DHRSX: variants seen among roughly 807,000 people sequenced by gnomAD.
DHRSX encodes the protein polyprenol dehydrogenase.
In DHRSX, 31 loss-of-function variants were observed where a neutral mutation model predicts 34.0. The ratio of observed to expected loss-of-function variants is 0.91; its 90% confidence interval spans 0.69 to 1.23. DHRSX has a LOEUF of 1.23. DHRSX is among the 50% of genes most tolerant of loss of function. DHRSX has a pLI of 0.00. For synonymous variants in DHRSX, 201 were observed against 183.8 expected, an observed-to-expected ratio of 1.09 and a Z score of -0.76; for missense variants, 414 against 428.1, an observed-to-expected ratio of 0.97 and a Z score of 0.29.
intron 6 of DHRSX, among the ~76,000 whole-genome samples, chrX:2,235,000 C>T (rs185171897): frequency 1.3e-5 from 2 of 152,204 alleles, no homozygotes; most frequent in Non-Finnish European, 2.9e-5. Context: ...CATGATCCAC[C>T]ATGCCCAGCC....
intron 1 of DHRSX, among the ~76,000 whole-genome samples, chrX:2,498,794 GGATAAACATAATCT>G: frequency 6.6e-6 from 1 of 152,044 alleles, no homozygotes; most frequent in African/African-American, 2.4e-5. Flanking sequence ...AAAACTGCCC[GGATAAACATAATCT>G]TCTGCGAGAC....
chrX:2,389,513 C>T (rs775218109), intron 3 of DHRSX, among the ~76,000 whole-genome samples: 7 of 152,146 alleles, frequency 4.6e-5, no homozygotes, highest in Admixed American at 4.6e-4. Context: ...TGGATGACAC[C>T]CCACGGGCTG....
Position 2,425,248 on chromosome X carries a change from C to A in DHRSX, c.166G>T (p.Gly56Cys), listed in dbSNP as rs754374524. 5 of 1,613,842 alleles carry A rather than the reference C, an allele frequency of 3.1e-6. No homozygotes were observed. The highest frequency in any genetic ancestry group is 4.2e-6 in the Non-Finnish European group (5 of 1,179,858). The stretch of plus-strand genomic sequence containing the variant: ...GCCAGATGCTTCGCTGTAGAATAGC[C>A]AATGCCATCTGTCCCTCCCGTCACT... ...AIVTGGTDGI[G>C]YSTAKHLARL... The change falls in exon 2 of 7, where the codon GGC becomes TGC. Residue 56 changes from glycine (G) to cysteine (C), a missense_variant. By Grantham distance (159) the Gly-to-Cys change is radical (BLOSUM62 -3). Coordinates refer to ENST00000334651, the MANE Select transcript of DHRSX (RefSeq NM_145177.3).
chrX:2,267,390 C>T (rs1340446502), intron 4 of DHRSX, among the ~76,000 whole-genome samples: 2 of 151,872 alleles, frequency 1.3e-5, no homozygotes, highest in Non-Finnish European at 2.9e-5. Flanking sequence ...AGTAAAAATA[C>T]AAAAATTAGC....
chrX:2,293,318 A>G (rs2041890418), intron 3 of DHRSX, among the ~76,000 whole-genome samples: 1 of 151,760 alleles, frequency 6.6e-6, no homozygotes, highest in Admixed American at 6.6e-5. Context: ...AAGAAAAGCA[A>G]ATTCACAGGT....
intron 3 of DHRSX, among the ~76,000 whole-genome samples, chrX:2,352,481 C>A (rs2042800127): frequency 6.6e-6 from 1 of 152,100 alleles, no homozygotes; most frequent in African/African-American, 2.4e-5. Context: ...GGCCTGGGAG[C>A]TTACGGGTGA....
intron 4 of DHRSX, among the ~76,000 whole-genome samples, chrX:2,276,792 G>A (rs1230356635): frequency 2.0e-5 from 3 of 149,196 alleles, no homozygotes; most frequent in Non-Finnish European, 4.5e-5. Context: ...AGGAGAGGGA[G>A]GAAATAGGGA....
chrX:2,368,753 G>A (rs1284615738), intron 3 of DHRSX, among the ~76,000 whole-genome samples: 1 of 152,116 alleles, frequency 6.6e-6, no homozygotes. Flanking sequence ...AGGAGGCTGA[G>A]GCAGGAGAAT....
chrX:2,325,293 T>C (rs1313389056), intron 3 of DHRSX, among the ~76,000 whole-genome samples: 3 of 151,874 alleles, frequency 2.0e-5, no homozygotes, highest in African/African-American at 7.3e-5. Context: ...GGGCAGGAAC[T>C]AGGGACTAGA....
intron 3 of DHRSX, among the ~76,000 whole-genome samples, chrX:2,343,738 C>T (rs923208339): frequency 2.6e-5 from 4 of 152,228 alleles, no homozygotes; most frequent in African/African-American, 9.6e-5. Flanking sequence ...ACATCAATAT[C>T]CCTGTGCTCC....
chrX:2,322,200 G>A (rs1405173079), intron 3 of DHRSX, among the ~76,000 whole-genome samples: 3 of 148,930 alleles, frequency 2.0e-5, no homozygotes, highest in African/African-American at 7.5e-5. Context: ...TAGCTCCCAC[G>A]TAACACTGAG....
rs1372092675 is a variant in DHRSX, at chrX:2,478,676, G to C, written c.109+22141C>G. Among the ~76,000 whole-genome samples the C allele has an allele frequency of 8.6e-5, 13 of 151,436 alleles. No homozygotes were observed. In the East Asian group the frequency reaches 2.5e-3, roughly 30 times the overall value. ...ACACCAGGGGACTGCCACCGTGTAT[G>C]CACTGAAGATATTCCCTAAGAATGT... is the stretch of plus-strand genomic sequence containing the variant. On this transcript the variant is annotated intron_variant, in intron 1 of 6. Transcript: ENST00000334651.
chrX:2,236,673 C>T (rs2016022910), intron 6 of DHRSX, among the ~76,000 whole-genome samples: 1 of 151,930 alleles, frequency 6.6e-6, no homozygotes, highest in South Asian at 2.1e-4. Context: ...CTCATGTGAT[C>T]CACCCGCCTC....
At chrX:2,439,423 C>T (rs1254352833) in intron 1 of DHRSX, among the ~76,000 whole-genome samples, 13 of 152,072 alleles carry the variant, frequency 8.5e-5, no homozygotes, top group Non-Finnish European at 1.9e-4. Context: ...CTGACAAGTT[C>T]CTTTGTCCAG....
intron 3 of DHRSX, among the ~76,000 whole-genome samples, chrX:2,369,024 A>G (rs1310282263): frequency 1.3e-5 from 2 of 152,180 alleles, no homozygotes; most frequent in Non-Finnish European, 2.9e-5. Flanking sequence ...TTAAAAGCCA[A>G]TGAAAGCCTC....
At chrX:2,252,907 G>A (rs1208306820) in intron 5 of DHRSX, among the ~76,000 whole-genome samples, 1 of 152,070 alleles carries the variant, frequency 6.6e-6, no homozygotes, top group African/African-American at 2.4e-5. Flanking sequence ...GTATTAGGCC[G>A]GGAGTGGTGG....
chrX:2,441,008 G>A (rs1167155968), intron 1 of DHRSX, among the ~76,000 whole-genome samples: 2 of 152,094 alleles, frequency 1.3e-5, no homozygotes, highest in African/African-American at 2.4e-5. Flanking sequence ...CGACGCAGAC[G>A]GCACCAGTAG....
At chrX:2,390,335 T>C (rs1402921325) in intron 3 of DHRSX, among the ~76,000 whole-genome samples, 1 of 148,662 alleles carries the variant, frequency 6.7e-6, no homozygotes, top group Admixed American at 6.7e-5. Flanking sequence ...AGGAGGTTTC[T>C]CCATGTTGGT....
intron 1 of DHRSX, among the ~76,000 whole-genome samples, chrX:2,453,578 G>A (rs1257069204): frequency 1.3e-5 from 2 of 151,958 alleles, no homozygotes; most frequent in African/African-American, 4.8e-5. Flanking sequence ...AGGCTGAGGT[G>A]GGAGGGTCAC....
Sources: allele counts gnomAD v4.1 joint callset (sites outside exome capture counted in the v4.1 genomes callset), GRCh38; gene constraint gnomAD v4.1.1; transcripts MANE v1.5; gene names NCBI Gene and HGNC (gene_info 2026-07-23, HGNC 2026-07-21).